The following TMEM132C variants were observed in gnomAD, a reference collection of about 807,000 sequenced individuals.
TMEM132C encodes transmembrane protein 132C.
In TMEM132C, 29 loss-of-function variants were observed where a neutral mutation model predicts 61.4. The observed-to-expected ratio is 0.47, with a 90% CI of 0.35 to 0.64. The LOEUF (loss-of-function observed/expected upper bound fraction) is 0.64, where lower values mean the gene tolerates loss of function less well. Among genes scored for constraint, TMEM132C ranks in the 30% least tolerant of loss-of-function variants. TMEM132C has a pLI of 0.00. For synonymous variants in TMEM132C, 656 were observed against 633.1 expected, an observed-to-expected ratio of 1.04 and a Z score of -0.54; for missense variants, 1,408 against 1,476.9, an observed-to-expected ratio of 0.95 and a Z score of 0.76.
At chr12:128,454,979 T>C (rs1247183002) in intron 2 of TMEM132C, among the ~76,000 whole-genome samples, 1 of 152,198 alleles carries the variant, frequency 6.6e-6, no homozygotes, top group Non-Finnish European at 1.5e-5. Flanking sequence ...CTGTGGGCAG[T>C]GGCAGGGTTC....
intron 1 of TMEM132C, among the ~76,000 whole-genome samples, chr12:128,365,653 G>T (rs1197222187): frequency 6.6e-6 from 1 of 152,186 alleles, no homozygotes; most frequent in Admixed American, 6.5e-5. Context: ...TGGAGTACCG[G>T]TTCCAGCAGG....
intron 3 of TMEM132C, among the ~76,000 whole-genome samples, chr12:128,604,790 A>T (rs1876355695): frequency 6.6e-6 from 1 of 151,038 alleles, no homozygotes; most frequent in South Asian, 2.1e-4. Flanking sequence ...GATAATGAAT[A>T]GATAGTAGAT....
chr12:128,408,530 C>A (rs988438887), intron 1 of TMEM132C, among the ~76,000 whole-genome samples: 1 of 152,080 alleles, frequency 6.6e-6, no homozygotes, highest in Non-Finnish European at 1.5e-5. Flanking sequence ...GGATAAATAC[C>A]TCAAAATAAA....
At chr12:128,586,446 C>CT (rs1272272303) in intron 3 of TMEM132C, among the ~76,000 whole-genome samples, 2 of 151,536 alleles carry the variant, frequency 1.3e-5, no homozygotes, top group Non-Finnish European at 2.9e-5. Flanking sequence ...AATCTGTGAC[C>CT]TACTTTGCAA....
intron 2 of TMEM132C, among the ~76,000 whole-genome samples, chr12:128,519,188 T>C (rs758229211): frequency 3.3e-5 from 5 of 152,222 alleles, no homozygotes; most frequent in Non-Finnish European, 7.3e-5. Context: ...TTAGTACAGA[T>C]ACCTCTTCTG....
intron 1 of TMEM132C, among the ~76,000 whole-genome samples, chr12:128,343,756 C>T (rs1248753728): frequency 6.6e-6 from 1 of 152,146 alleles, no homozygotes; most frequent in Non-Finnish European, 1.5e-5. Context: ...AGCAGTCACT[C>T]CACAGACCTG....
At chr12:128,313,483 T>G (rs931779325) in intron 1 of TMEM132C, among the ~76,000 whole-genome samples, 1 of 152,226 alleles carries the variant, frequency 6.6e-6, no homozygotes, top group Non-Finnish European at 1.5e-5. Context: ...AAGGCGAGAA[T>G]TATCCAGTTA....
intron 2 of TMEM132C, among the ~76,000 whole-genome samples, chr12:128,483,184 C>T (rs1871368543): frequency 6.7e-6 from 1 of 149,708 alleles, no homozygotes; most frequent in African/African-American, 2.5e-5. Context: ...GGGGCGATTG[C>T]TTGAGTCCAG....
chr12:128,304,575 C>G (rs1034445217), intron 1 of TMEM132C, among the ~76,000 whole-genome samples: 1 of 151,946 alleles, frequency 6.6e-6, no homozygotes, highest in Admixed American at 6.6e-5. Context: ...CACCACTGCA[C>G]TCCAGCCTGG....
intron 2 of TMEM132C, among the ~76,000 whole-genome samples, chr12:128,515,635 C>T (rs956811780): frequency 2.6e-5 from 4 of 152,076 alleles, no homozygotes; most frequent in East Asian, 3.9e-4. Context: ...ATATCGAGAC[C>T]GTCCTGGCTA....
chr12:128,621,108 G>T (rs181416034), intron 4 of TMEM132C, among the ~76,000 whole-genome samples: 1 of 152,042 alleles, frequency 6.6e-6, no homozygotes, highest in Admixed American at 6.5e-5. Context: ...GCTCTGCTCT[G>T]GGCCCTGGGG....
In TMEM132C at chr12:128,696,040, C is replaced by T. The variant is rs190794438; in HGVS notation, c.1866C>T (p.His622=). The T allele has an allele frequency of 2.3e-4, 363 of 1,551,716 alleles. 5 individuals carry two copies. The Middle Eastern group carries it at 3.7e-3, about 16-fold the overall frequency. ...ACTTCATGAAGCTGGAGGAACCTCA[C>T]GTGGCCACCCTCCAGGACAGCCGGG... is the stretch of plus-strand genomic sequence containing the variant. ...VADFMKLEEP[H]VATLQDSRVL... is the part of the protein sequence containing the mutation. Residue 622 remains histidine, a synonymous_variant, in exon 7 of 9, where the codon CAC becomes CAT. Coordinates refer to ENST00000435159, the MANE Select transcript of TMEM132C (RefSeq NM_001136103.3).
intron 2 of TMEM132C, among the ~76,000 whole-genome samples, chr12:128,501,943 G>A (rs1268215497): frequency 6.6e-6 from 1 of 152,214 alleles, no homozygotes; most frequent in Admixed American, 6.5e-5. Flanking sequence ...AGTAGTTCTG[G>A]GGAGGGGCCT....
rs1196311950 is a variant in TMEM132C at position 128,382,789 on chromosome 12, A to C, written c.86-31943A>C. On this transcript the variant is annotated intron_variant, in intron 1 of 8. Coordinates refer to ENST00000435159, the MANE Select transcript of TMEM132C (RefSeq NM_001136103.3). The stretch of plus-strand genomic sequence containing the variant: ...TTCTAATTTTCTGCTAAAACACATA[A>C]AAGAGTGATCCTCTTGGTCTATGTT... Among the ~76,000 whole-genome samples the C allele has an allele frequency of 2.6e-5, 4 of 152,206 alleles. No individual in the cohort carries two copies. The East Asian group carries it at 7.7e-4, about 29-fold the overall frequency.
At chr12:128,422,125 A>G (rs1214088384) in intron 2 of TMEM132C, among the ~76,000 whole-genome samples, 1 of 152,216 alleles carries the variant, frequency 6.6e-6, no homozygotes, top group Non-Finnish European at 1.5e-5. Context: ...TATATTGACA[A>G]TGGAGGTCAT....
chr12:128,589,845 GAAT>G (rs759144738), intron 3 of TMEM132C, among the ~76,000 whole-genome samples: 15 of 152,112 alleles, frequency 9.9e-5, no homozygotes, highest in Non-Finnish European at 2.2e-4. Context: ...TGTAAAGTGG[GAAT>G]AAAGCGTACT....
At chr12:128,518,424 C>G (rs1166166091) in intron 2 of TMEM132C, among the ~76,000 whole-genome samples, 2 of 152,150 alleles carry the variant, frequency 1.3e-5, no homozygotes, top group Non-Finnish European at 2.9e-5. Context: ...CTGTGGCTTG[C>G]TGGTTTGGCA....
intron 4 of TMEM132C, among the ~76,000 whole-genome samples, chr12:128,644,982 A>C (rs1954185008): frequency 6.6e-6 from 1 of 152,164 alleles, no homozygotes; most frequent in African/African-American, 2.4e-5. Context: ...AGTAGGATTC[A>C]TGGGGTTTGG....
intron 8 of TMEM132C, 48 bp downstream of exon 8, chr12:128,697,463 G>A (rs1237787433): frequency 1.4e-6 from 2 of 1,478,106 alleles, no homozygotes; most frequent in Non-Finnish European, 1.8e-6. Flanking sequence ...GTCAGCCACT[G>A]TGCCTGCTTC....
Sources: allele counts gnomAD v4.1 joint callset (sites outside exome capture counted in the v4.1 genomes callset), GRCh38; gene constraint gnomAD v4.1.1; transcripts MANE v1.5; gene names NCBI Gene and HGNC (gene_info 2026-07-23, HGNC 2026-07-21).